TCERG1L: variants seen among roughly 807,000 people sequenced by gnomAD.
TCERG1L encodes the protein transcription elongation regulator 1-like protein.
A neutral mutation model predicts 56.3 loss-of-function variants in TCERG1L; 37 were observed. The observed-to-expected ratio is 0.66, with a 90% CI of 0.51 to 0.87. TCERG1L has a LOEUF of 0.87. Ranked by LOEUF, TCERG1L falls within the 40% of genes least tolerant of loss-of-function variation. The pLI is 0.00. For synonymous variants in TCERG1L, 324 were observed against 326.3 expected, an observed-to-expected ratio of 0.99 and a Z score of 0.08; for missense variants, 799 against 774.2, an observed-to-expected ratio of 1.03 and a Z score of -0.38.
At chr10:131,268,353 G>A (rs140414701) in intron 3 of TCERG1L, among the ~76,000 whole-genome samples, 2 of 152,340 alleles carry the variant, frequency 1.3e-5, no homozygotes, top group African/African-American at 2.4e-5. Context: ...CAGATGTGCT[G>A]TCACCCAGGC....
intron 4 of TCERG1L, among the ~76,000 whole-genome samples, chr10:131,169,518 G>T (rs1270668995): frequency 6.6e-6 from 1 of 152,192 alleles, no homozygotes; most frequent in Non-Finnish European, 1.5e-5. Context: ...ACTGCTCTGA[G>T]ACCTATTTTT....
chr10:131,149,081 G>A (rs1036989655), intron 6 of TCERG1L, among the ~76,000 whole-genome samples: 28 of 152,252 alleles, frequency 1.8e-4, no homozygotes, highest in African/African-American at 6.3e-4. Flanking sequence ...ACCCTGAGAA[G>A]GTCGCCTCCC....
intron 6 of TCERG1L, among the ~76,000 whole-genome samples, chr10:131,146,927 C>T (rs1323597196): frequency 6.6e-6 from 1 of 152,220 alleles, no homozygotes; most frequent in African/African-American, 2.4e-5. Flanking sequence ...AGCAGCTCAT[C>T]AAGGTCACAG....
chr10:131,093,491 C>G (rs575061553), intron 11 of TCERG1L, among the ~76,000 whole-genome samples, 173 bp from the exon 12 acceptor site: 4 of 152,130 alleles, frequency 2.6e-5, no homozygotes, highest in Non-Finnish European at 5.9e-5. Context: ...GCTCCTCACC[C>G]GGGTCCTGCA....
chr10:131,159,635 G>T (rs1456825063), intron 6 of TCERG1L, among the ~76,000 whole-genome samples: 1 of 152,174 alleles, frequency 6.6e-6, no homozygotes, highest in African/African-American at 2.4e-5. Flanking sequence ...CTATAAGCGA[G>T]ACGGAAGCAG....
chr10:131,230,985 G>T lies in TCERG1L; in HGVS notation c.856+29274C>A, dbSNP rs191788349. ...ACACATGCCCTGAGCACCCTTCATT[G>T]TTTAGGGTACCCCTGAGCACCGCTC... On this transcript the variant is annotated intron_variant, in intron 4 of 11. Transcript: ENST00000368642. 2.3e-3 allele frequency among the ~76,000 whole-genome samples: 309 copies of T among 135,860 alleles called. 12 individuals are homozygous for T. In the East Asian group the frequency reaches 0.055, roughly 24 times the overall value. The allele number at this position is 135,860 out of a possible 152,430, so 89.1% of individuals were successfully genotyped here.
intron 4 of TCERG1L, among the ~76,000 whole-genome samples, chr10:131,223,855 A>T (rs1157244719): frequency 2.6e-5 from 3 of 114,584 alleles, no homozygotes; most frequent in Non-Finnish European, 5.4e-5. Flanking sequence ...CCCCCTGCCC[A>T]CTGTACATGG....
Position 131,092,790 on chromosome 10 carries a change from G to A in TCERG1L, c.*372C>T, listed in dbSNP as rs1050663417. 3.6e-5 allele frequency: 6 copies of A among 165,738 alleles called. No individual in the cohort carries two copies. The highest frequency in any genetic ancestry group is 1.4e-4 in the African/African-American group (6 of 41,884). The allele number at this position is 165,738 out of a possible 1,614,324, so 10.3% of individuals were successfully genotyped here. ...ACGAAGTAATTCACAAAGGTTTTCA[G>A]AAAAGTTTTCGCCAATCGTCTTAGG... On this transcript the variant is annotated 3_prime_UTR_variant, in exon 12 of 12. Coordinates refer to ENST00000368642, the MANE Select transcript of TCERG1L (RefSeq NM_174937.4).
In TCERG1L at chr10:131,151,659, A is replaced by G. The variant is rs533305370; in HGVS notation, c.1035-4999T>C. ...TCTACCATTCTGGGTTCTGGAGGAC[A>G]ATGGCCTTCTTCTCACAGCTCCACT... On this transcript the variant is annotated intron_variant, in intron 6 of 11. Transcript: ENST00000368642. Among the ~76,000 whole-genome samples the G allele has an allele frequency of 3.9e-5, 6 of 152,238 alleles. No homozygotes were observed. In the South Asian group the frequency reaches 1.2e-3, roughly 32 times the overall value.
intron 2 of TCERG1L, 79 bp downstream of exon 2, chr10:131,309,074 G>T: frequency 1.3e-6 from 2 of 1,501,844 alleles, no homozygotes; most frequent in Non-Finnish European, 1.8e-6. Flanking sequence ...AAATACATGG[G>T]TATTTTTGTT....
At chr10:131,140,265 C>T (rs1173523710) in intron 7 of TCERG1L, among the ~76,000 whole-genome samples, 6 of 152,188 alleles carry the variant, frequency 3.9e-5, no homozygotes, top group Non-Finnish European at 5.9e-5. Flanking sequence ...CTCTCACCTC[C>T]GGTGCAGGTG....
At chr10:131,223,879 G>A (rs953915924) in intron 4 of TCERG1L, among the ~76,000 whole-genome samples, 3 of 148,078 alleles carry the variant, frequency 2.0e-5, no homozygotes, top group African/African-American at 7.6e-5. Flanking sequence ...TCTTCAGGAC[G>A]CAGCTCACTA....
chr10:131,176,842 G>GTGTA (rs1458015741), intron 4 of TCERG1L, among the ~76,000 whole-genome samples: 42 of 17,162 alleles, frequency 2.4e-3, no homozygotes, highest in Middle Eastern at 0.029. Context: ...GTACACACAG[G>GTGTA]CACATAGGAA....
At chr10:131,300,662 T>C (rs1228891547) in intron 3 of TCERG1L, among the ~76,000 whole-genome samples, 1 of 152,236 alleles carries the variant, frequency 6.6e-6, no homozygotes, top group Non-Finnish European at 1.5e-5. Context: ...TGGTCAATCA[T>C]AGAACTATCT....
intron 4 of TCERG1L, among the ~76,000 whole-genome samples, chr10:131,239,975 C>G (rs933596933): frequency 6.6e-6 from 1 of 152,166 alleles, no homozygotes; most frequent in Non-Finnish European, 1.5e-5. Context: ...TGCTTTCTAT[C>G]TGCTTGTTCA....
At chr10:131,256,980 GGAAGGAAGGAAGGAAAGAAA>G (rs1351619778) in intron 4 of TCERG1L, among the ~76,000 whole-genome samples, 27 of 75,700 alleles carry the variant, frequency 3.6e-4, no homozygotes, top group Non-Finnish European at 5.5e-4. Context: ...AAGGAAGGAA[GGAAGGAAGGAAGGAAAGAAA>G]GAAAGAAAGA....
chr10:131,223,335 A>G (rs1300017599), intron 4 of TCERG1L, among the ~76,000 whole-genome samples: 1 of 152,116 alleles, frequency 6.6e-6, no homozygotes, highest in African/African-American at 2.4e-5. Context: ...ATGGGACCGC[A>G]TGCTCCGCTG....
At chr10:131,107,956 T>TACACAC (rs59364659) in intron 9 of TCERG1L, among the ~76,000 whole-genome samples, 3,782 of 146,822 alleles carry the variant, frequency 0.026, 66 homozygotes, top group South Asian at 0.061. Context: ...CATGTGTGCC[T>TACACAC]ACACACACAC....
rs114865868 is a variant in TCERG1L at position 131,260,251 on chromosome 10, G to T, written c.856+8C>A. The T allele has an allele frequency of 2.8e-4, 379 of 1,355,154 alleles. 2 individuals are homozygous for T. Among genetic ancestry groups the T allele is most frequent in the Admixed American group, 5.8e-4 (19 of 32,626 alleles). The allele number at this position is 1,355,154 out of a possible 1,614,324, so 83.9% of individuals were successfully genotyped here. ...GCACCAGGCGTCGGGACGGCGCTCC[G>T]AGCCTACCTGAGACGGGGGACGTCC... On this transcript the variant is annotated splice_region_variant and intron_variant, in intron 4 of 11. Transcript: ENST00000368642. This position sits in a 1 kb window ranked among gnomAD's most constrained non-coding sequence, Gnocchi z 5.8.
Sources: allele counts gnomAD v4.1 joint callset (sites outside exome capture counted in the v4.1 genomes callset), GRCh38; gene constraint gnomAD v4.1.1; non-coding constraint Gnocchi (gnomAD v3.1); transcripts MANE v1.5; gene names NCBI Gene and HGNC (gene_info 2026-07-23, HGNC 2026-07-21).